The following BCAT1 variants were observed in gnomAD, a reference collection of about 807,000 sequenced individuals.
The protein encoded by BCAT1 is branched chain amino acid transaminase 1.
BCAT1 carries 48 observed loss-of-function variants against 52.4 expected under a neutral mutation model. That is an observed-to-expected ratio of 0.92 (90% confidence interval 0.73 to 1.16). BCAT1 has a LOEUF of 1.16. Ranked by LOEUF, BCAT1 falls within the 50% of genes most tolerant of loss-of-function variation. The probability of loss-of-function intolerance (pLI) is 0.00; values close to 1 mark genes in which losing one functional copy is unlikely to be tolerated. For missense variants in BCAT1, 451 were observed against 457.1 expected (o/e 0.99, Z 0.12); for synonymous variants, 167 against 161.3 (o/e 1.04, Z -0.27).
intron 6 of BCAT1, among the ~76,000 whole-genome samples, chr12:24,849,517 T>C (rs1941440697): frequency 6.6e-6 from 1 of 152,240 alleles, no homozygotes; most frequent in South Asian, 2.1e-4. Context: ...TCCCTAGATA[T>C]CATATCCAGT....
At chr12:24,936,736 C>CAT (rs1806051526) in intron 1 of BCAT1, among the ~76,000 whole-genome samples, 1 of 149,462 alleles carries the variant, frequency 6.7e-6, no homozygotes, top group East Asian at 1.9e-4. Flanking sequence ...CACACACACA[C>CAT]ACACATACAC....
chr12:24,934,709 C>A (rs894101959), intron 1 of BCAT1, among the ~76,000 whole-genome samples: 2 of 152,098 alleles, frequency 1.3e-5, no homozygotes, highest in Non-Finnish European at 2.9e-5. Flanking sequence ...CACACCACCA[C>A]GCCCAGCTAA....
chr12:24,821,786 C>T (rs944730037), intron 10 of BCAT1, among the ~76,000 whole-genome samples: 11 of 152,110 alleles, frequency 7.2e-5, no homozygotes, highest in Non-Finnish European at 1.6e-4. Flanking sequence ...AAAGGCCTTA[C>T]GGGATCATCC....
chr12:24,895,451 G>A (rs577986962), intron 2 of BCAT1, among the ~76,000 whole-genome samples: 10 of 151,826 alleles, frequency 6.6e-5, no homozygotes, highest in African/African-American at 2.4e-4. Context: ...ACTTGAACCC[G>A]GGAGGCGGAG....
chr12:24,938,471 G>A (rs1019661084), intron 1 of BCAT1, among the ~76,000 whole-genome samples: 1 of 152,178 alleles, frequency 6.6e-6, no homozygotes, highest in African/African-American at 2.4e-5. Context: ...TCAAGAGAGT[G>A]AAGGTGATGG....
At position 24,936,536 on chromosome 12, in the gene BCAT1, C is replaced by A. The variant is rs566320912; in HGVS notation, c.6+12391G>T. 2.0e-5 allele frequency among the ~76,000 whole-genome samples: 3 copies of A among 152,272 alleles called. No individual in the cohort carries two copies. The South Asian group carries it at 6.2e-4, about 32-fold the overall frequency. On this transcript the variant is annotated intron_variant, in intron 1 of 10. Coordinates refer to ENST00000261192, the MANE Select transcript of BCAT1 (RefSeq NM_005504.7). The stretch of plus-strand genomic sequence containing the variant: ...GCATGAGCCCAGCCTCAAAACTACA[C>A]AAAATTATTATCTTATGGTTCTGGA...
chr12:24,871,794 C>T (rs892520580), intron 5 of BCAT1, among the ~76,000 whole-genome samples: 38 of 151,988 alleles, frequency 2.5e-4, no homozygotes, highest in African/African-American at 9.2e-4. Flanking sequence ...GTAAGAGTGG[C>T]CAGATAATAA....
chr12:24,897,712 C>G (rs1009296353), intron 2 of BCAT1, among the ~76,000 whole-genome samples: 5 of 152,174 alleles, frequency 3.3e-5, no homozygotes, highest in Admixed American at 6.5e-5. Context: ...TGCCACAACA[C>G]CCGGCTAAGT....
intron 10 of BCAT1, among the ~76,000 whole-genome samples, chr12:24,824,463 A>AT (rs1326994710): frequency 3.3e-5 from 5 of 151,634 alleles, no homozygotes; most frequent in Admixed American, 6.6e-5. Flanking sequence ...CACACTTGCT[A>AT]TTTTTTTTGG....
rs757611398 is a variant in BCAT1 at position 24,894,490 on chromosome 12, T to A, written c.79-15A>T. 12 of 1,564,034 alleles carry A rather than the reference T, an allele frequency of 7.7e-6. No individual in the cohort carries two copies. In the Admixed American group the frequency reaches 2.1e-4, roughly 27 times the overall value. ...AGGTCTTTAGCCTGGGGAAGAAAAA[T>A]CATCACTATTTACAGAAAAGCTACT... On this transcript the variant is annotated splice_polypyrimidine_tract_variant and intron_variant, in intron 2 of 10. Transcript: ENST00000261192.
intron 6 of BCAT1, among the ~76,000 whole-genome samples, chr12:24,847,555 AAGAG>A (rs1409052970): frequency 6.6e-6 from 1 of 152,196 alleles, no homozygotes; most frequent in East Asian, 1.9e-4. Context: ...AGAAAAAACT[AAGAG>A]AGATAATTTG....
chr12:24,905,846 G>A (rs1943218011), intron 1 of BCAT1, among the ~76,000 whole-genome samples: 1 of 151,358 alleles, frequency 6.6e-6, no homozygotes, highest in Non-Finnish European at 1.5e-5. Context: ...TTGGAAGAGG[G>A]TCTGGGTGGA....
In BCAT1 at chr12:24,927,693, G is replaced by A. The variant is rs1312951472; in HGVS notation, c.6+21234C>T. Among the ~76,000 whole-genome samples, 3 of 152,208 alleles carry A rather than the reference G, an allele frequency of 2.0e-5. No homozygotes were observed. In the East Asian group the frequency reaches 5.8e-4, roughly 29 times the overall value. On this transcript the variant is annotated intron_variant, in intron 1 of 10. Transcript: ENST00000261192. ...ACAAAGAAGGAGATACTGATGAGAA[G>A]CCACCTTTCCCTCATCTCAGAAAGT...
At chr12:24,899,176 T>C (rs1173921745) in intron 2 of BCAT1, among the ~76,000 whole-genome samples, 1 of 152,194 alleles carries the variant, frequency 6.6e-6, no homozygotes, top group Non-Finnish European at 1.5e-5. Flanking sequence ...ACGTATCTCA[T>C]TGCTAGGCCC....
rs1177446869 is a variant in BCAT1 at position 24,829,941 on chromosome 12, A to G, written c.1045-44T>C. The G allele has an allele frequency of 2.8e-6, 4 of 1,442,298 alleles. No individual in the cohort carries two copies. The African/African-American group carries it at 4.3e-5, about 15-fold the overall frequency. 89.3% of individuals were successfully genotyped at this position (1,442,298 alleles called of 1,614,324 possible). Reference sequence around the variant, plus strand: ...TGAGATAATTTGAGGGTACTCATGTATATGGTGATAACAGATAAGACACTC... The same window carrying G: ...TGAGATAATTTGAGGGTACTCATGTGTATGGTGATAACAGATAAGACACTC... On this transcript the variant is annotated intron_variant, in intron 9 of 10. Transcript: ENST00000261192.
intron 1 of BCAT1, among the ~76,000 whole-genome samples, chr12:24,909,275 G>A (rs1943276379): frequency 6.6e-6 from 1 of 152,124 alleles, no homozygotes; most frequent in African/African-American, 2.4e-5. Context: ...GACAATGACA[G>A]ATGAGTATAA....
At chr12:24,899,190 T>C (rs1255421066) in intron 2 of BCAT1, among the ~76,000 whole-genome samples, 1 of 152,140 alleles carries the variant, frequency 6.6e-6, no homozygotes, top group East Asian at 1.9e-4. Flanking sequence ...TAGGCCCTGC[T>C]GCAAAACTGC....
At position 24,839,960 on chromosome 12, in the gene BCAT1, T is replaced by C. The variant is rs556458683; in HGVS notation, c.817+2122A>G. 1.3e-3 allele frequency among the ~76,000 whole-genome samples: 201 copies of C among 152,328 alleles called. 3 individuals are homozygous for C. Among genetic ancestry groups the C allele is most frequent in the African/African-American group, 4.7e-3 (194 of 41,574 alleles). ...TATTCTATTTCCTTTCTCCTTATTC[T>C]GAATTTTATTTGTTCTGTTAGATGA... On this transcript the variant is annotated intron_variant, in intron 7 of 10. Transcript: ENST00000261192.
In BCAT1 at chr12:24,837,576, G is replaced by A. The variant is rs149459194; in HGVS notation, c.818-980C>T. 9.4e-3 allele frequency among the ~76,000 whole-genome samples: 1,421 copies of A among 151,378 alleles called. 23 individuals carry two copies. The highest frequency in any genetic ancestry group is 0.033 in the African/African-American group (1,342 of 41,210). ...TGAGTAGCTGGGATTACAGGTACGC[G>A]CCACCACGCCTGGCTAATTTTTGTA... On this transcript the variant is annotated intron_variant, in intron 7 of 10. Transcript: ENST00000261192.
Sources: gnomAD v4.1 joint callset for allele counts (sites outside exome capture counted in the v4.1 genomes callset) on GRCh38, gnomAD v4.1.1 for gene constraint, MANE v1.5 for transcripts, NCBI Gene and HGNC (gene_info 2026-07-23, HGNC 2026-07-21) for gene names.